TTC6: variants seen among roughly 807,000 people sequenced by gnomAD.
TTC6 encodes the protein tetratricopeptide repeat domain 6.
TTC6 carries 172 observed loss-of-function variants against 210.4 expected under a neutral mutation model. The observed-to-expected ratio is 0.82, with a 90% CI of 0.72 to 0.93. The LOEUF (loss-of-function observed/expected upper bound fraction) is 0.93, where lower values mean the gene tolerates loss of function less well. Ranked by LOEUF, TTC6 falls within the 40% of genes least tolerant of loss-of-function variation. The pLI is 0.00. For synonymous variants in TTC6, 804 were observed against 819.6 expected (o/e 0.98, Z 0.32); for missense variants, 2,414 against 2,318.1 (o/e 1.04, Z -0.85).
chr14:37,750,995 A>T (rs2095950175), intron 12 of TTC6, 58 bp from the exon 15 acceptor site: 9 of 1,197,406 alleles, frequency 7.5e-6, no homozygotes, highest in Middle Eastern at 2.5e-4. Context: ...TACTCTTAAA[A>T]TTTTCATAGG....
At chr14:37,720,193 T>G (rs1275879550) in intron 6 of TTC6, among the ~76,000 whole-genome samples, 1 of 151,938 alleles carries the variant, frequency 6.6e-6, no homozygotes, top group East Asian at 1.9e-4. Flanking sequence ...CAAATGCCAA[T>G]AAGGAAGTGG....
chr14:37,699,891 A>G (rs1482779618), intron 4 of TTC6, among the ~76,000 whole-genome samples: 1 of 152,172 alleles, frequency 6.6e-6, no homozygotes, highest in Non-Finnish European at 1.5e-5. Context: ...TTTCCAATGT[A>G]CAAAGAGAAG....
chr14:37,665,259 C>T (rs2095745580), intron 1 of TTC6, among the ~76,000 whole-genome samples: 1 of 150,320 alleles, frequency 6.7e-6, no homozygotes, highest in Non-Finnish European at 1.5e-5. Flanking sequence ...AAATGCCCAC[C>T]AATGATAGAA....
chr14:37,663,508 T>C (rs1222065161), intron 1 of TTC6, among the ~76,000 whole-genome samples: 2 of 152,186 alleles, frequency 1.3e-5, no homozygotes, highest in African/African-American at 4.8e-5. Context: ...CATTATTTAT[T>C]ATGATAAGTT....
chr14:37,627,120 A>G (rs1022084188), intron 1 of TTC6, among the ~76,000 whole-genome samples: 7 of 151,562 alleles, frequency 4.6e-5, no homozygotes, highest in African/African-American at 4.9e-5. Flanking sequence ...TCTTGCTCCT[A>G]CTTTCATCAT....
intron 5 of TTC6, among the ~76,000 whole-genome samples, chr14:37,702,465 G>T (rs150340410): frequency 6.6e-6 from 1 of 151,920 alleles, no homozygotes; most frequent in Non-Finnish European, 1.5e-5. Flanking sequence ...GTGCTCCCCC[G>T]ACCCAAAGCA....
At chr14:37,679,269 CTG>C (rs1213626086) in intron 1 of TTC6, among the ~76,000 whole-genome samples, 1 of 151,964 alleles carries the variant, frequency 6.6e-6, no homozygotes, top group Non-Finnish European at 1.5e-5. Context: ...AGTAGTAAGA[CTG>C]AGGTGAAGGA....
chr14:37,660,219 G>GTT (rs955288828), intron 1 of TTC6, among the ~76,000 whole-genome samples: 6 of 148,548 alleles, frequency 4.0e-5, no homozygotes, highest in Non-Finnish European at 7.5e-5. Flanking sequence ...GTCTTCCAGG[G>GTT]TTTTTTTTTT....
chr14:37,786,161 A>G (rs562086518), intron 14 of TTC6, among the ~76,000 whole-genome samples: 1 of 152,332 alleles, frequency 6.6e-6, no homozygotes, highest in East Asian at 1.9e-4. Context: ...GCTGTCAGAC[A>G]GGGACGTTTA....
intron 10 of TTC6, among the ~76,000 whole-genome samples, 168 bp from the exon 13 acceptor site, chr14:37,748,771 A>G (rs995203049): frequency 6.6e-6 from 1 of 152,200 alleles, no homozygotes; most frequent in Non-Finnish European, 1.5e-5. Context: ...GAGATTCTTC[A>G]TACAGTGTTA....
intron 1 of TTC6, among the ~76,000 whole-genome samples, chr14:37,667,439 G>T (rs1435544720): frequency 1.3e-5 from 2 of 150,084 alleles, no homozygotes; most frequent in African/African-American, 4.9e-5. Flanking sequence ...TTTCGTATGG[G>T]GCTCTGCTCA....
At chr14:37,626,795 C>T (rs2095661074) in intron 1 of TTC6, among the ~76,000 whole-genome samples, 1 of 152,186 alleles carries the variant, frequency 6.6e-6, no homozygotes, top group Non-Finnish European at 1.5e-5. Context: ...AGGAAAGGGG[C>T]AGCCTAGCAA....
intron 14 of TTC6, among the ~76,000 whole-genome samples, chr14:37,765,386 A>T (rs1244676133): frequency 1.3e-5 from 2 of 150,664 alleles, no homozygotes; most frequent in African/African-American, 4.9e-5. Context: ...AAAATTTGTA[A>T]CCCAGGTTAG....
intron 1 of TTC6, among the ~76,000 whole-genome samples, chr14:37,627,409 C>G (rs1314327953): frequency 6.6e-6 from 1 of 151,862 alleles, no homozygotes; most frequent in Non-Finnish European, 1.5e-5. Context: ...GCCCATCAAC[C>G]CATCATCTAC....
chr14:37,632,451 C>T (rs2095671725), intron 1 of TTC6, among the ~76,000 whole-genome samples: 1 of 152,312 alleles, frequency 6.6e-6, no homozygotes, highest in African/African-American at 2.4e-5. Context: ...GTGGAGGCTG[C>T]AGAACGGCAA....
At chr14:37,712,618 G>A (rs1448569308) in intron 5 of TTC6, among the ~76,000 whole-genome samples, 1 of 152,140 alleles carries the variant, frequency 6.6e-6, no homozygotes, top group African/African-American at 2.4e-5. Flanking sequence ...GGAAGGAGAA[G>A]CAAACATGTC....
chr14:37,722,996 A>C (rs1003515205), intron 6 of TTC6, among the ~76,000 whole-genome samples: 2 of 152,104 alleles, frequency 1.3e-5, no homozygotes, highest in African/African-American at 2.4e-5. Context: ...TCATTTATTT[A>C]TATCAGTATG....
intron 20 of TTC6, among the ~76,000 whole-genome samples, chr14:37,798,820 A>T (rs2096098779): frequency 6.6e-6 from 1 of 152,256 alleles, no homozygotes; most frequent in Non-Finnish European, 1.5e-5. Flanking sequence ...TATTGAAATT[A>T]TTATGTTTTT....
At chr14:37,710,119 A>G (rs1291726073) in intron 5 of TTC6, among the ~76,000 whole-genome samples, 1 of 152,138 alleles carries the variant, frequency 6.6e-6, no homozygotes, top group Non-Finnish European at 1.5e-5. Context: ...TACATCTTCT[A>G]TGGGTTACCT....
Sources: gnomAD v4.1 joint callset for allele counts (sites outside exome capture counted in the v4.1 genomes callset) on GRCh38, gnomAD v4.1.1 for gene constraint, MANE v1.5 for transcripts, NCBI Gene and HGNC (gene_info 2026-07-23, HGNC 2026-07-21) for gene names.